Variants in ANKRD26 observed in about 807,000 individuals in gnomAD.
ANKRD26 encodes the protein ankyrin repeat domain-containing protein 26.
A neutral mutation model predicts 208.7 loss-of-function variants in ANKRD26; 141 were observed. The ratio of observed to expected loss-of-function variants is 0.68; its 90% CI spans 0.59 to 0.78. The LOEUF is 0.78. Among genes scored for constraint, ANKRD26 ranks in the 30% least tolerant of loss-of-function variants. The pLI, the probability that ANKRD26 is intolerant of heterozygous loss-of-function variation, is 0.00. For missense variants in ANKRD26, 1,889 were observed against 1,938.7 expected (o/e 0.97, Z 0.48); for synonymous variants, 636 against 660.4 (o/e 0.96, Z 0.57).
chr10:27,016,606 C>T (rs2053302617), intron 30 of ANKRD26, among the ~76,000 whole-genome samples: 3 of 149,134 alleles, frequency 2.0e-5, no homozygotes, highest in Non-Finnish European at 4.4e-5. Flanking sequence ...GCAAAAACAA[C>T]ACAAGTTGTG....
rs563949553 is a variant in ANKRD26, at chr10:27,093,579, T to G, written c.358-57A>C. 62 of 1,603,430 alleles carry G rather than the reference T, an allele frequency of 3.9e-5. No homozygotes were observed. In the African/African-American group the frequency reaches 8.0e-4, roughly 21 times the overall value. ...AATTCTAGGAATGCAAAATAAACACTCCACAGGTTTCACCAATTAGTTATA... is the reference window on the plus strand; with the variant it reads ...AATTCTAGGAATGCAAAATAAACACGCCACAGGTTTCACCAATTAGTTATA... On this transcript the variant is annotated intron_variant, in intron 2 of 33. Coordinates refer to ENST00000376087, the MANE Select transcript of ANKRD26 (RefSeq NM_014915.3).
rs1488237800 is a variant in ANKRD26 at position 27,005,198 on chromosome 10, A to C, written c.*392T>G. On this transcript the variant is annotated 3_prime_UTR_variant, in exon 34 of 34. Coordinates refer to ENST00000376087, the MANE Select transcript of ANKRD26 (RefSeq NM_014915.3). ...CACTGTAACAATTGTAATACATCCA[A>C]ACATGAACAATGACCACAGTTCCTG... 1.0e-6 allele frequency: 1 copy of C among 995,294 alleles called. No individual in the cohort carries two copies. The highest frequency in any genetic ancestry group is 1.2e-6 in the Non-Finnish European group (1 of 836,494). 61.7% of individuals were successfully genotyped at this position (995,294 alleles called of 1,614,324 possible).
intron 11 of ANKRD26, among the ~76,000 whole-genome samples, chr10:27,065,280 T>C (rs2055198160): frequency 6.6e-6 from 1 of 152,200 alleles, no homozygotes; most frequent in South Asian, 2.1e-4. Flanking sequence ...CAGTTCCTAC[T>C]AGTAGAGCAT....
intron 1 of ANKRD26, among the ~76,000 whole-genome samples, chr10:27,097,482 T>C (rs1485478264): frequency 6.6e-6 from 1 of 151,980 alleles, no homozygotes; most frequent in Non-Finnish European, 1.5e-5. Context: ...AAAAAAGAGA[T>C]AGTAGACTAT....
chr10:27,059,409 C>A (rs1246660307), intron 15 of ANKRD26, among the ~76,000 whole-genome samples: 1 of 152,052 alleles, frequency 6.6e-6, no homozygotes, highest in African/African-American at 2.4e-5. Flanking sequence ...ATATAAAATT[C>A]TAGGACATGT....
intron 1 of ANKRD26, 105 bp downstream of exon 1, chr10:27,099,980 C>A: frequency 6.3e-7 from 1 of 1,577,142 alleles, no homozygotes; most frequent in Non-Finnish European, 8.6e-7. Context: ...GGCTACGGAG[C>A]CCGCGGGAGG....
intron 23 of ANKRD26, 144 bp from the exon 24 acceptor site, chr10:27,035,896 C>G: frequency 4.6e-6 from 3 of 646,652 alleles, no homozygotes; most frequent in Non-Finnish European, 7.8e-6. Context: ...AAAGTTGGAT[C>G]AAAACTCAAA....
chr10:27,079,241 T>C, intron 6 of ANKRD26, 80 bp from the exon 7 acceptor site: 2 of 1,243,714 alleles, frequency 1.6e-6, no homozygotes, highest in Non-Finnish European at 2.4e-6. Flanking sequence ...ATTTTCAATC[T>C]GGATGCCCCC....
intron 30 of ANKRD26, among the ~76,000 whole-genome samples, chr10:27,015,012 A>C (rs2053242729): frequency 6.6e-6 from 1 of 152,232 alleles, no homozygotes; most frequent in Non-Finnish European, 1.5e-5. Flanking sequence ...CGATGGGGGG[A>C]AATGTCATAT....
chr10:26,958,424 T>C, the ANKRD26 span, among the ~76,000 whole-genome samples: 2 of 152,136 alleles, frequency 1.3e-5, no homozygotes, highest in Non-Finnish European at 2.9e-5. Context: ...CCATTAGCTA[T>C]TCTTGCTGAT....
Position 27,035,530 on chromosome 10 carries a change from A to G in ANKRD26, c.2920T>C (p.Tyr974His). The G allele has an allele frequency of 6.2e-7, 1 of 1,613,960 alleles. No individual in the cohort carries two copies. Among genetic ancestry groups the G allele is most frequent in the Non-Finnish European group, 8.5e-7 (1 of 1,179,912 alleles). The change falls in exon 24 of 34, where the codon TAT (tyrosine) becomes CAT (histidine). Residue 974 changes from tyrosine to histidine, a missense_variant. This residue lies in a region of ANKRD26 where 1,272 missense variants were observed against 1,273.8 expected (regional missense o/e 1.00). Transcript: ENST00000376087. Reference sequence around the variant, plus strand: ...GTCAGAACACTAAGCCGTCCATTATACTGGGATATTGTTTGTGTTAATGTT... The same window carrying G: ...GTCAGAACACTAAGCCGTCCATTATGCTGGGATATTGTTTGTGTTAATGTT... ...EETLTQTISQ[Y>H]NGRLSVLTAE... is the part of the protein sequence containing the mutation.
At chr10:27,039,387 G>A (rs1336497257) in intron 21 of ANKRD26, among the ~76,000 whole-genome samples, 1 of 151,368 alleles carries the variant, frequency 6.6e-6, no homozygotes, top group Non-Finnish European at 1.5e-5. Flanking sequence ...CTGGGAGGCG[G>A]AGGTTACAGT....
downstream of ANKRD26, among the ~76,000 whole-genome samples, chr10:27,003,845 T>C (rs1280195243): frequency 6.6e-6 from 1 of 152,158 alleles, no homozygotes; most frequent in African/African-American, 2.4e-5. Flanking sequence ...TCAGGAACTA[T>C]CCCAGATAAA....
At chr10:27,025,645 A>G (rs567058474) in intron 27 of ANKRD26, among the ~76,000 whole-genome samples, 13 of 152,276 alleles carry the variant, frequency 8.5e-5, no homozygotes, top group South Asian at 2.1e-4. Flanking sequence ...AGCAACTACT[A>G]TCAGTGACCA....
At chr10:27,062,499 C>A (rs2055094570) in intron 12 of ANKRD26, among the ~76,000 whole-genome samples, 1 of 152,214 alleles carries the variant, frequency 6.6e-6, no homozygotes, top group South Asian at 2.1e-4. Context: ...AGATCCCCAG[C>A]TGATTTATTA....
intron 9 of ANKRD26, among the ~76,000 whole-genome samples, chr10:27,070,774 T>G (rs1022111555): frequency 6.6e-6 from 1 of 150,436 alleles, no homozygotes; most frequent in Non-Finnish European, 1.5e-5. Context: ...CAAGCAATTC[T>G]CTTGACTCAG....
intron 1 of ANKRD26, among the ~76,000 whole-genome samples, chr10:27,094,981 CAG>C (rs2056419835): frequency 7.1e-6 from 1 of 140,904 alleles, no homozygotes; most frequent in Non-Finnish European, 1.5e-5. Flanking sequence ...GCCTGGGCAA[CAG>C]AGAGAGACCC....
intron 9 of ANKRD26, among the ~76,000 whole-genome samples, chr10:27,072,255 G>A (rs949310241): frequency 1.1e-4 from 17 of 152,214 alleles, no homozygotes; most frequent in African/African-American, 2.9e-4. Flanking sequence ...CCCTATAGGC[G>A]TGAGACCTGC....
intron 4 of ANKRD26, among the ~76,000 whole-genome samples, chr10:26,998,145 C>T (rs2052637549): frequency 6.6e-6 from 1 of 152,180 alleles, no homozygotes. Context: ...ACTAGGGTGG[C>T]TAAATCGTCA....
Sources: gnomAD v4.1 joint callset for allele counts (sites outside exome capture counted in the v4.1 genomes callset) on GRCh38, gnomAD v4.1.1 for gene constraint, gnomAD v4.1.1 regional missense constraint, MANE v1.5 for transcripts, NCBI Gene and HGNC (gene_info 2026-07-23, HGNC 2026-07-21) for gene names.